Variants in ESRRG observed in about 807,000 individuals in gnomAD.
The protein encoded by ESRRG is estrogen related receptor gamma, also known as estrogen-related receptor gamma.
Under a neutral mutation model 44.0 loss-of-function variants are expected in ESRRG, and 13 were observed. The observed-to-expected ratio is 0.30, with a 90% CI of 0.19 to 0.47. The LOEUF is 0.47. Among genes scored for constraint, ESRRG ranks in the 20% least tolerant of loss-of-function variants. The pLI, the probability that ESRRG is intolerant of heterozygous loss-of-function variation, is 1.00. For synonymous variants in ESRRG, 215 were observed against 214.6 expected, an observed-to-expected ratio of 1.00 and a Z score of -0.02; for missense variants, 395 against 580.6, an observed-to-expected ratio of 0.68 and a Z score of 3.29.
At chr1:216,858,673 G>A (rs951626945) in intron 2 of ESRRG, among the ~76,000 whole-genome samples, 7 of 152,098 alleles carry the variant, frequency 4.6e-5, no homozygotes, top group African/African-American at 7.2e-5. Context: ...AGGGATGATC[G>A]TTCTCTGATT....
chr1:216,676,192 T>A (rs1453185264), intron 2 of ESRRG, among the ~76,000 whole-genome samples: 1 of 152,186 alleles, frequency 6.6e-6, no homozygotes, highest in African/African-American at 2.4e-5. Context: ...AGAATATATA[T>A]CTATAGCTTT....
chr1:216,682,078 G>A (rs934059344), intron 1 of ESRRG: 2 of 152,114 alleles, frequency 1.3e-5, no homozygotes, highest in Non-Finnish European at 2.9e-5. Context: ...CCCTTTCACC[G>A]AAATACAAGT....
intron 3 of ESRRG, among the ~76,000 whole-genome samples, chr1:216,597,963 C>T (rs2058675397): frequency 6.6e-6 from 1 of 152,176 alleles, no homozygotes; most frequent in South Asian, 2.1e-4. Context: ...CAATATTCCA[C>T]AGTATACCTA....
At chr1:216,818,482 A>G (rs2095211112) in intron 2 of ESRRG, among the ~76,000 whole-genome samples, 1 of 152,176 alleles carries the variant, frequency 6.6e-6, no homozygotes, top group Non-Finnish European at 1.5e-5. Context: ...GAAACGGCAC[A>G]CTGGTCATCA....
chr1:216,751,649 A>T (rs2092018381), intron 2 of ESRRG, among the ~76,000 whole-genome samples: 2 of 152,042 alleles, frequency 1.3e-5, no homozygotes, highest in Non-Finnish European at 2.9e-5. Flanking sequence ...CAAAAGACAC[A>T]AGATGGCTAG....
At chr1:217,010,001 G>T (rs1294966896) in intron 1 of ESRRG, among the ~76,000 whole-genome samples, 1 of 152,028 alleles carries the variant, frequency 6.6e-6, no homozygotes, top group Non-Finnish European at 1.5e-5. Context: ...ACCGCGCCCG[G>T]CCTGAGTATA....
At chr1:216,965,781 G>A (rs2070206354) in intron 1 of ESRRG, among the ~76,000 whole-genome samples, 1 of 152,220 alleles carries the variant, frequency 6.6e-6, no homozygotes. Context: ...AAGGGGGTCA[G>A]ATTAGAGGCT....
chr1:216,639,274 A>T (rs1418626353), intron 3 of ESRRG, among the ~76,000 whole-genome samples: 1 of 152,192 alleles, frequency 6.6e-6, no homozygotes, highest in Non-Finnish European at 1.5e-5. Context: ...ACCCGCTCCC[A>T]AAAAAGAACA....
intron 2 of ESRRG, among the ~76,000 whole-genome samples, chr1:216,904,825 G>A (rs1210699367): frequency 6.6e-6 from 1 of 152,158 alleles, no homozygotes; most frequent in Non-Finnish European, 1.5e-5. Flanking sequence ...GTTCGAAGAG[G>A]TTGCTGGGAT....
chr1:216,780,996 A>G (rs568869678), intron 2 of ESRRG, among the ~76,000 whole-genome samples: 2 of 152,192 alleles, frequency 1.3e-5, no homozygotes, highest in African/African-American at 4.8e-5. Flanking sequence ...TATAATTTCA[A>G]AATAAATAAT....
chr1:217,054,480 A>C (rs1297898731), intron 1 of ESRRG, among the ~76,000 whole-genome samples: 1 of 152,182 alleles, frequency 6.6e-6, no homozygotes, highest in Admixed American at 6.5e-5. Context: ...GGGTCGACTC[A>C]AAAGAAAGGA....
intron 3 of ESRRG, among the ~76,000 whole-genome samples, chr1:216,580,452 C>T (rs1285440941): frequency 6.6e-6 from 1 of 152,082 alleles, no homozygotes. Flanking sequence ...AACTATTCAT[C>T]ATAGATAACA....
chr1:216,808,648 T>C (rs1480224518), intron 2 of ESRRG, among the ~76,000 whole-genome samples: 2 of 152,112 alleles, frequency 1.3e-5, no homozygotes, highest in East Asian at 3.9e-4. Context: ...AGTCTTGAAC[T>C]CCTGGGCTCA....
At chr1:217,100,438 A>G (rs772166660) in intron 1 of ESRRG, among the ~76,000 whole-genome samples, 43 of 152,150 alleles carry the variant, frequency 2.8e-4, no homozygotes, top group Non-Finnish European at 2.4e-4. Context: ...AATCCTACTT[A>G]TCCCTCATCT....
intron 2 of ESRRG, among the ~76,000 whole-genome samples, chr1:216,779,172 T>A: frequency 1.2e-5 from 1 of 86,820 alleles, no homozygotes; most frequent in East Asian, 2.6e-4. Context: ...TAAATATATA[T>A]ATAATTATAT....
intron 1 of ESRRG, among the ~76,000 whole-genome samples, chr1:216,692,953 C>A (rs1379953438): frequency 1.3e-5 from 2 of 152,168 alleles, no homozygotes; most frequent in Non-Finnish European, 2.9e-5. Context: ...AAGGAAACTG[C>A]CTAACAAGAA....
chr1:216,633,994 T>C (rs1019034439), intron 3 of ESRRG, among the ~76,000 whole-genome samples: 1 of 152,180 alleles, frequency 6.6e-6, no homozygotes, highest in African/African-American at 2.4e-5. Context: ...ATTACAGTTA[T>C]TGATGACAAA....
chr1:216,754,461 A>C (rs2092315040), intron 2 of ESRRG, among the ~76,000 whole-genome samples: 1 of 152,036 alleles, frequency 6.6e-6, no homozygotes, highest in South Asian at 2.1e-4. Context: ...TTTATCATTC[A>C]ACATCCTTTT....
At chr1:216,572,552 T>C in intron 3 of ESRRG, among the ~76,000 whole-genome samples, 1 of 152,130 alleles carries the variant, frequency 6.6e-6, no homozygotes, top group Non-Finnish European at 1.5e-5. Context: ...ATTCTATTTT[T>C]AATGTTTTTT....
Sources: allele counts gnomAD v4.1 joint callset (sites outside exome capture counted in the v4.1 genomes callset), GRCh38; gene constraint gnomAD v4.1.1; transcripts MANE v1.5; gene names NCBI Gene and HGNC (gene_info 2026-07-23, HGNC 2026-07-21).